IL1RAPL1: variants seen among roughly 807,000 people sequenced by gnomAD.
IL1RAPL1 encodes interleukin 1 receptor accessory protein like 1.
A neutral mutation model predicts 48.4 loss-of-function variants in IL1RAPL1; 3 were observed. The observed-to-expected ratio is 0.06, with a 90% CI of 0.03 to 0.16. The LOEUF is 0.16. Ranked by LOEUF, IL1RAPL1 falls within the 10% of genes least tolerant of loss-of-function variation. The pLI, the probability that IL1RAPL1 is intolerant of heterozygous loss-of-function variation, is 1.00. For missense variants in IL1RAPL1, 349 were observed against 530.6 expected, an observed-to-expected ratio of 0.66 and a Z score of 3.36; for synonymous variants, 185 against 187.7, an observed-to-expected ratio of 0.99 and a Z score of 0.12.
intron 5 of IL1RAPL1, among the ~76,000 whole-genome samples, chrX:29,545,654 C>T (rs995767467): frequency 4.5e-5 from 5 of 112,140 alleles, no homozygotes; most frequent in Admixed American, 9.5e-5. Flanking sequence ...TTTTGCTCTG[C>T]GTTAAATGTT....
chrX:29,020,075 G>A (rs1036963269), intron 2 of IL1RAPL1, among the ~76,000 whole-genome samples: 1 of 112,495 alleles, frequency 8.9e-6, no homozygotes, highest in African/African-American at 3.2e-5. Flanking sequence ...CATAAAGAAC[G>A]AACGAATGAA....
At chrX:29,718,408 G>A (rs778293328) in intron 6 of IL1RAPL1, among the ~76,000 whole-genome samples, 4 of 102,262 alleles carry the variant, frequency 3.9e-5, no homozygotes, top group African/African-American at 1.4e-4. Context: ...TAAACAGTGA[G>A]AACACATGGT....
At chrX:29,642,522 A>G (rs1190370989) in intron 5 of IL1RAPL1, among the ~76,000 whole-genome samples, 1 of 112,538 alleles carries the variant, frequency 8.9e-6, no homozygotes, top group Non-Finnish European at 1.9e-5. Context: ...TTCATTAGAA[A>G]TCCAAACCTG....
intron 2 of IL1RAPL1, among the ~76,000 whole-genome samples, chrX:29,184,314 G>A (rs1162049302): frequency 9.0e-6 from 1 of 111,394 alleles, no homozygotes; most frequent in East Asian, 2.8e-4. Context: ...AAGGCTTGAT[G>A]AGTGAATTAA....
intron 6 of IL1RAPL1, among the ~76,000 whole-genome samples, chrX:29,760,260 C>T (rs1223601406): frequency 9.0e-6 from 1 of 111,188 alleles, no homozygotes; most frequent in Non-Finnish European, 1.9e-5. Flanking sequence ...GGGCTGAGAA[C>T]CACTTCATTA....
chrX:28,846,955 A>G (rs1425652010), intron 2 of IL1RAPL1, among the ~76,000 whole-genome samples: 10 of 111,133 alleles, frequency 9.0e-5, no homozygotes, highest in South Asian at 3.8e-4. Flanking sequence ...TATGCTGGCA[A>G]TTCCCAAATT....
intron 5 of IL1RAPL1, among the ~76,000 whole-genome samples, chrX:29,660,328 A>G (rs1925804150): frequency 8.9e-6 from 1 of 112,007 alleles, no homozygotes; most frequent in African/African-American, 3.3e-5. Context: ...GCTGTGCAAA[A>G]GCTTTGTAGC....
chrX:28,706,648 A>G (rs957469081), intron 1 of IL1RAPL1, among the ~76,000 whole-genome samples: 14 of 111,480 alleles, frequency 1.3e-4, no homozygotes, highest in African/African-American at 4.2e-4. Context: ...TCCTGACCTC[A>G]GGTGATCCAC....
At chrX:29,425,574 A>T (rs182808977) in intron 5 of IL1RAPL1, among the ~76,000 whole-genome samples, 1,351 of 110,784 alleles carry the variant, frequency 0.012, 10 homozygotes, top group Middle Eastern at 0.018. Context: ...TAGCTTTTTT[A>T]AAAAAAAGTA....
At chrX:29,207,356 A>G (rs1930685859) in intron 2 of IL1RAPL1, among the ~76,000 whole-genome samples, 1 of 112,305 alleles carries the variant, frequency 8.9e-6, no homozygotes, top group Admixed American at 9.5e-5. Flanking sequence ...AAAATGAAAT[A>G]GTCATTCAAG....
At chrX:29,665,739 G>A (rs1300749951) in intron 5 of IL1RAPL1, among the ~76,000 whole-genome samples, 4 of 112,096 alleles carry the variant, frequency 3.6e-5, no homozygotes, top group Non-Finnish European at 7.5e-5. Context: ...ATCAAAGACA[G>A]GCAAATCACA....
At chrX:28,855,438 G>A (rs1285167784) in intron 2 of IL1RAPL1, among the ~76,000 whole-genome samples, 1 of 111,214 alleles carries the variant, frequency 9.0e-6, no homozygotes, top group African/African-American at 3.3e-5. Flanking sequence ...ATAAATTAAT[G>A]AATAAATTAA....
intron 6 of IL1RAPL1, among the ~76,000 whole-genome samples, chrX:29,819,396 G>A (rs1201208895): frequency 9.0e-6 from 1 of 111,085 alleles, no homozygotes; most frequent in Admixed American, 9.6e-5. Context: ...AACTTAAAAT[G>A]TACCATGGTG....
chrX:28,731,965 G>A lies in IL1RAPL1; in HGVS notation c.-24-57355G>A, dbSNP rs6630741. Among the ~76,000 whole-genome samples, 1,701 of 111,434 alleles carry A rather than the reference G, an allele frequency of 0.015. 130 individuals are homozygous for A. In the East Asian group the frequency reaches 0.33, roughly 22 times the overall value. On this transcript the variant is annotated intron_variant, in intron 1 of 10. Transcript: ENST00000378993. The stretch of plus-strand genomic sequence containing the variant: ...AAACTGGGGCAAGAATCAAAGCGAC[G>A]CTACAGGCAGGGATGAGGTAACCAG...
intron 2 of IL1RAPL1, among the ~76,000 whole-genome samples, chrX:28,810,366 G>A (rs1029318346): frequency 9.0e-6 from 1 of 110,831 alleles, no homozygotes; most frequent in East Asian, 2.8e-4. Context: ...GAGAAAATAT[G>A]AGTGTGATTT....
chrX:29,279,313 G>A (rs1048346531), intron 2 of IL1RAPL1, among the ~76,000 whole-genome samples: 3 of 111,068 alleles, frequency 2.7e-5, no homozygotes, highest in Admixed American at 9.5e-5. Flanking sequence ...GCGTGCGCCT[G>A]TAGTCCCAGC....
chrX:29,671,654 A>G (rs760275370), intron 6 of IL1RAPL1, among the ~76,000 whole-genome samples: 1 of 112,013 alleles, frequency 8.9e-6, no homozygotes, highest in African/African-American at 3.2e-5. Flanking sequence ...GGTGAGCCTG[A>G]GTATTTTTTC....
chrX:28,614,551 T>C (rs1159484112), intron 1 of IL1RAPL1, among the ~76,000 whole-genome samples: 1 of 111,620 alleles, frequency 9.0e-6, no homozygotes, highest in Admixed American at 9.6e-5. Flanking sequence ...TCAGTGGCAG[T>C]CATGTTCAGT....
At chrX:28,744,531 G>A (rs16988322) in intron 1 of IL1RAPL1, among the ~76,000 whole-genome samples, 2,759 of 110,990 alleles carry the variant, frequency 0.025, 89 homozygotes, top group African/African-American at 0.086. Flanking sequence ...TTTGGAAAAG[G>A]ATCCTTGTGA....
Sources: allele counts gnomAD v4.1 joint callset (sites outside exome capture counted in the v4.1 genomes callset), GRCh38; gene constraint gnomAD v4.1.1; transcripts MANE v1.5; gene names NCBI Gene and HGNC (gene_info 2026-07-23, HGNC 2026-07-21).